Variants in NDUFA10 observed in about 807,000 individuals in gnomAD.
NDUFA10 encodes the protein NADH dehydrogenase [ubiquinone] 1 alpha subcomplex subunit 10, mitochondrial.
NDUFA10 carries 40 observed loss-of-function variants against 47.8 expected under a neutral mutation model. The observed-to-expected ratio is 0.84, with a 90% CI of 0.65 to 1.09. The LOEUF (loss-of-function observed/expected upper bound fraction) is 1.09. Among genes scored for constraint, NDUFA10 ranks in the 50% least tolerant of loss-of-function variants. The pLI is 0.00. For synonymous variants in NDUFA10, 183 were observed against 172.2 expected, an observed-to-expected ratio of 1.06 and a Z score of -0.49; for missense variants, 413 against 451.1, an observed-to-expected ratio of 0.92 and a Z score of 0.76.
At chr2:239,892,866 A>T (rs1693319376) in intron 5 of NDUFA10, among the ~76,000 whole-genome samples, 1 of 152,200 alleles carries the variant, frequency 6.6e-6, no homozygotes. Flanking sequence ...ATTGGTAAAG[A>T]GACTATCTAC....
intron 5 of NDUFA10, among the ~76,000 whole-genome samples, chr2:239,892,902 A>T (rs1370893825): frequency 6.6e-6 from 1 of 152,216 alleles, no homozygotes; most frequent in African/African-American, 2.4e-5. Flanking sequence ...GGGGCAAGGA[A>T]ACCACAGGGG....
intron 4 of NDUFA10, among the ~76,000 whole-genome samples, chr2:239,929,014 C>T (rs1363258696): frequency 1.3e-5 from 2 of 152,232 alleles, no homozygotes; most frequent in African/African-American, 4.8e-5. Flanking sequence ...CACTGGCGCC[C>T]GGTGAGCTGA....
At chr2:240,018,717 G>A (rs935339076) in intron 3 of NDUFA10, 78 bp from the exon 4 acceptor site, 1 of 1,388,012 alleles carries the variant, frequency 7.2e-7, no homozygotes, top group Non-Finnish European at 1.0e-6. Context: ...GCATTCCAGA[G>A]AAAAGAAAAT....
intron 4 of NDUFA10, among the ~76,000 whole-genome samples, chr2:240,015,808 C>T (rs907516487): frequency 6.6e-6 from 1 of 152,176 alleles, no homozygotes; most frequent in African/African-American, 2.4e-5. Context: ...GTGGAACCTT[C>T]CAGAAGTGAC....
At chr2:239,975,219 C>G in intron 9 of NDUFA10, among the ~76,000 whole-genome samples, 1 of 152,252 alleles carries the variant, frequency 6.6e-6, no homozygotes. Flanking sequence ...GTACCTGCTT[C>G]CCCTTTACCG....
rs1188020120 is a variant in NDUFA10, at chr2:239,990,088, G to A, written c.985C>T (p.His329Tyr). The A allele has an allele frequency of 5.0e-6, 8 of 1,610,128 alleles. No individual in the cohort carries two copies. In the East Asian group the frequency reaches 6.7e-5, roughly 13 times the overall value. Residue 329 changes from histidine to tyrosine, a missense_variant, in exon 9 of 10, where the codon CAT (histidine) becomes TAT (tyrosine). His to Tyr is a moderately conservative substitution (Grantham distance 83). Coordinates refer to ENST00000252711, the MANE Select transcript of NDUFA10 (RefSeq NM_004544.4). ...CACAGTCTTACCTCTCTGAACTGAT[G>A]TAAGACACGGTCAGTCTGATGAGCT... ...IGAHQTDRVL[H>Y]QFRELPGRKY...
chr2:239,984,525 T>C (rs1470681490), intron 9 of NDUFA10, among the ~76,000 whole-genome samples: 4 of 152,258 alleles, frequency 2.6e-5, no homozygotes, highest in South Asian at 2.1e-4. Context: ...ATATCATATA[T>C]TCTCTTAGAT....
intron 4 of NDUFA10, among the ~76,000 whole-genome samples, chr2:239,923,361 A>G (rs1209095923): frequency 1.3e-5 from 2 of 152,212 alleles, no homozygotes; most frequent in Non-Finnish European, 2.9e-5. Context: ...TTCTATACCT[A>G]TGAAAAATTC....
chr2:239,935,942 C>T (rs1212051266), intron 4 of NDUFA10, among the ~76,000 whole-genome samples: 1 of 152,234 alleles, frequency 6.6e-6, no homozygotes, highest in Non-Finnish European at 1.5e-5. Flanking sequence ...CAGACTAACA[C>T]ACAGGGAAAC....
intron 4 of NDUFA10, among the ~76,000 whole-genome samples, chr2:239,900,315 CATATATATATATATATATATATAT>C (rs142452963): frequency 1.3e-4 from 19 of 142,736 alleles, no homozygotes; most frequent in African/African-American, 4.7e-4. Flanking sequence ...AACTCCCCTT[CATATATATATATATATATATATAT>C]ATATATATAT....
intron 4 of NDUFA10, among the ~76,000 whole-genome samples, chr2:239,919,442 T>G (rs1487739681): frequency 6.6e-6 from 1 of 151,996 alleles, no homozygotes; most frequent in Admixed American, 6.6e-5. Context: ...GGCAGGGGCA[T>G]CCTCACGGCT....
chr2:239,970,706 G>A (rs551423650), intron 9 of NDUFA10, among the ~76,000 whole-genome samples: 5 of 152,200 alleles, frequency 3.3e-5, no homozygotes, highest in Non-Finnish European at 7.3e-5. Flanking sequence ...TGGATTGACT[G>A]TGACAAGTTA....
intron 8 of NDUFA10, among the ~76,000 whole-genome samples, chr2:240,003,725 G>A (rs527440282): frequency 1.8e-4 from 27 of 152,278 alleles, no homozygotes; most frequent in African/African-American, 5.3e-4. Flanking sequence ...TCTCCTGAGT[G>A]CACGCTGGAT....
chr2:239,981,850 G>A (rs1425633670), intron 9 of NDUFA10, among the ~76,000 whole-genome samples: 2 of 151,670 alleles, frequency 1.3e-5, no homozygotes, highest in Non-Finnish European at 2.9e-5. Context: ...TGGGATTATA[G>A]AAATTCTCAT....
At chr2:239,979,984 CA>C (rs1695705043) in intron 9 of NDUFA10, among the ~76,000 whole-genome samples, 2 of 152,046 alleles carry the variant, frequency 1.3e-5, no homozygotes, top group Admixed American at 1.3e-4. Context: ...CCTACACCCC[CA>C]CATCCCTCAC....
At chr2:239,908,468 A>G (rs1693694742) in intron 4 of NDUFA10, among the ~76,000 whole-genome samples, 1 of 152,240 alleles carries the variant, frequency 6.6e-6, no homozygotes, top group South Asian at 2.1e-4. Flanking sequence ...GTGCTCCCAG[A>G]CTTGAGAGTC....
At chr2:239,976,596 G>A (rs1457290678) in intron 9 of NDUFA10, 1 of 152,316 alleles carries the variant, frequency 6.6e-6, no homozygotes, top group South Asian at 2.1e-4. Context: ...CCAGGGTGTG[G>A]AAACTGGGTT....
At chr2:239,976,154 C>A (rs1488818429) in intron 9 of NDUFA10, among the ~76,000 whole-genome samples, 1 of 152,244 alleles carries the variant, frequency 6.6e-6, no homozygotes, top group East Asian at 1.9e-4. Flanking sequence ...GTTCTTCACA[C>A]TGCAATTCCA....
At chr2:240,024,032 G>T (rs998011927) in intron 1 of NDUFA10, among the ~76,000 whole-genome samples, 1 of 151,906 alleles carries the variant, frequency 6.6e-6, no homozygotes, top group Non-Finnish European at 1.5e-5. Flanking sequence ...CTTCACTTCT[G>T]GTGGGAGTCA....
Sources: gnomAD v4.1 joint callset for allele counts (sites outside exome capture counted in the v4.1 genomes callset) on GRCh38, gnomAD v4.1.1 for gene constraint, MANE v1.5 for transcripts, NCBI Gene and HGNC (gene_info 2026-07-23, HGNC 2026-07-21) for gene names.